Variants in RSF1 observed in about 807,000 individuals in gnomAD.
RSF1 encodes HBV pX-associated protein 8.
Under a neutral mutation model 145.2 loss-of-function variants are expected in RSF1, and 13 were observed. The ratio of observed to expected loss-of-function variants is 0.09; its 90% CI spans 0.06 to 0.14. The LOEUF is 0.14. Among genes scored for constraint, RSF1 ranks in the 10% least tolerant of loss-of-function variants. The pLI is 1.00. For synonymous variants in RSF1, 577 were observed against 592.6 expected (o/e 0.97, Z 0.38); for missense variants, 1,517 against 1,718.2 (o/e 0.88, Z 2.07).
chr11:77,860,494 T>C, the RSF1 span, among the ~76,000 whole-genome samples: 1 of 152,352 alleles, frequency 6.6e-6, no homozygotes, highest in African/African-American at 2.4e-5. Context: ...TTTGGAAACC[T>C]GGTAGCCACA....
chr11:77,799,538 G>C (rs1948607011), intron 1 of RSF1, among the ~76,000 whole-genome samples: 2 of 147,556 alleles, frequency 1.4e-5, no homozygotes, highest in South Asian at 4.2e-4. Flanking sequence ...GATATGAATA[G>C]ACAATATTGT....
the RSF1 span, among the ~76,000 whole-genome samples, chr11:77,863,886 C>A: frequency 6.6e-6 from 1 of 151,970 alleles, no homozygotes; most frequent in Non-Finnish European, 1.5e-5. Flanking sequence ...TTAAAGTCAG[C>A]AATTATGATA....
intron 11 of RSF1, 145 bp from the exon 12 acceptor site, chr11:77,678,298 C>A (rs1959767364): frequency 2.4e-6 from 1 of 412,048 alleles, no homozygotes. Context: ...CTCACTGCAA[C>A]CTCTGCCTCC....
At chr11:77,680,850 T>C (rs1026989220) in intron 11 of RSF1, among the ~76,000 whole-genome samples, 3 of 152,242 alleles carry the variant, frequency 2.0e-5, no homozygotes, top group Admixed American at 6.5e-5. Flanking sequence ...TAGGGTAGAA[T>C]AGCAGATACA....
At chr11:77,714,941 A>G (rs1418384265) in intron 5 of RSF1, among the ~76,000 whole-genome samples, 1 of 152,180 alleles carries the variant, frequency 6.6e-6, no homozygotes, top group Admixed American at 6.5e-5. Flanking sequence ...CAACATAGCA[A>G]GACCTCATCT....
rs142580915 is a variant in RSF1 at position 77,701,005 on chromosome 11, G to A, written c.2224C>T (p.Arg742Trp). 2.5e-6 allele frequency: 4 copies of A among 1,613,428 alleles called. No individual in the cohort carries two copies. The highest frequency in any genetic ancestry group is 1.7e-5 in the Admixed American group (1 of 59,982). The change falls in exon 6 of 16, where the codon CGG becomes TGG. Residue 742 changes from arginine (R) to tryptophan (W), a missense_variant. By Grantham distance (101) the Arg-to-Trp change is moderately radical. Transcript: ENST00000308488. Reference sequence around the variant, plus strand: ...GGGGGAGAATCGGGCTTCTTTTTCCGACTTGATATCCTGATTGTTAATTTG... The same window carrying A: ...GGGGGAGAATCGGGCTTCTTTTTCCAACTTGATATCCTGATTGTTAATTTG... ...GIKLTIRISS[R>W]KKKPDSPPKV...
intron 2 of RSF1, among the ~76,000 whole-genome samples, chr11:77,754,647 G>T (rs1288754121): frequency 6.6e-6 from 1 of 151,792 alleles, no homozygotes. Flanking sequence ...GGGGTGAGGG[G>T]GTGGGGCTGA....
intron 1 of RSF1, among the ~76,000 whole-genome samples, chr11:77,818,603 A>AC (rs1239359093): frequency 1.3e-5 from 2 of 151,986 alleles, no homozygotes; most frequent in African/African-American, 4.8e-5. Context: ...ACATGGTGAA[A>AC]CCCCGTCTCT....
intron 13 of RSF1, 109 bp downstream of exon 13, chr11:77,676,683 A>C (rs1052811474): frequency 1.1e-5 from 9 of 799,262 alleles, no homozygotes; most frequent in African/African-American, 3.4e-5. Flanking sequence ...GAGGTTGTCT[A>C]TGTACATGAA....
chr11:77,774,991 T>C (rs1185346853), intron 1 of RSF1, among the ~76,000 whole-genome samples: 2 of 150,780 alleles, frequency 1.3e-5, no homozygotes, highest in Non-Finnish European at 3.0e-5. Context: ...TGGTCTCGAA[T>C]CCTGACCTCA....
intron 2 of RSF1, among the ~76,000 whole-genome samples, chr11:77,755,449 A>G (rs1198217132): frequency 6.6e-6 from 1 of 152,234 alleles, no homozygotes. Flanking sequence ...AAGGAAGTTA[A>G]TGAGAGATTT....
chr11:77,757,666 A>G (rs569962489), intron 2 of RSF1, among the ~76,000 whole-genome samples: 156 of 152,130 alleles, frequency 1.0e-3, no homozygotes, highest in African/African-American at 3.4e-3. Flanking sequence ...GACAGAGCGA[A>G]ACTCCGTCTC....
intron 1 of RSF1, among the ~76,000 whole-genome samples, chr11:77,770,877 G>T (rs778514495): frequency 6.6e-6 from 1 of 152,142 alleles, no homozygotes; most frequent in Non-Finnish European, 1.5e-5. Context: ...AAGAGACAAG[G>T]CCTCTATAAG....
the RSF1 span, among the ~76,000 whole-genome samples, chr11:77,852,575 G>T: frequency 1.4e-4 from 21 of 151,952 alleles, no homozygotes; most frequent in African/African-American, 4.8e-4. Flanking sequence ...TGAGATTTGC[G>T]CAGGGACACA....
At chr11:77,769,257 C>T (rs777883075) in intron 1 of RSF1, among the ~76,000 whole-genome samples, 13 of 152,158 alleles carry the variant, frequency 8.5e-5, no homozygotes, top group Admixed American at 2.0e-4. Flanking sequence ...TGTGAGCCAC[C>T]GTGCCCAGCC....
Position 77,769,609 on chromosome 11 carries a change from A to T in RSF1, c.188-4920T>A, listed in dbSNP as rs563920229. Among the ~76,000 whole-genome samples the T allele has an allele frequency of 1.4e-3, 213 of 152,324 alleles. 1 individual carries two copies. The highest frequency in any genetic ancestry group is 2.4e-3 in the Admixed American group (37 of 15,290). Reference sequence around the variant, plus strand: ...ATGATGTAGGTATGAAGTAGCAGAAAAGTGGTGGAATCCCAGACTACATTA... The same window carrying T: ...ATGATGTAGGTATGAAGTAGCAGAATAGTGGTGGAATCCCAGACTACATTA... On this transcript the variant is annotated intron_variant, in intron 1 of 15. Coordinates refer to ENST00000308488, the MANE Select transcript of RSF1 (RefSeq NM_016578.4).
At chr11:77,789,638 C>A (rs1948496548) in intron 1 of RSF1, among the ~76,000 whole-genome samples, 1 of 152,178 alleles carries the variant, frequency 6.6e-6, no homozygotes, top group Admixed American at 6.5e-5. Flanking sequence ...GCAGCTCCAC[C>A]CTCCACAGTG....
intron 4 of RSF1, among the ~76,000 whole-genome samples, chr11:77,726,900 C>T (rs756899206): frequency 6.6e-6 from 1 of 152,132 alleles, no homozygotes; most frequent in African/African-American, 2.4e-5. Context: ...CCTCATTAGG[C>T]CTCAGCTTTC....
At chr11:77,775,075 G>A (rs927130781) in intron 1 of RSF1, among the ~76,000 whole-genome samples, 2 of 151,516 alleles carry the variant, frequency 1.3e-5, no homozygotes, top group Admixed American at 1.3e-4. Context: ...GTGAAACCCT[G>A]TTTCTACTAA....
Sources: gnomAD v4.1 joint callset for allele counts (sites outside exome capture counted in the v4.1 genomes callset) on GRCh38, gnomAD v4.1.1 for gene constraint, MANE v1.5 for transcripts, NCBI Gene and HGNC (gene_info 2026-07-23, HGNC 2026-07-21) for gene names.